The following FOXP2 variants were observed in gnomAD, a reference collection of about 807,000 sequenced individuals.
FOXP2 encodes forkhead box P2.
A neutral mutation model predicts 115.8 loss-of-function variants in FOXP2; 12 were observed. The observed-to-expected ratio is 0.10, with a 90% CI of 0.07 to 0.17. The LOEUF (loss-of-function observed/expected upper bound fraction) is 0.17, where lower values mean the gene tolerates loss of function less well. Among genes scored for constraint, FOXP2 ranks in the 10% least tolerant of loss-of-function variants. FOXP2 has a pLI of 1.00. For synonymous variants in FOXP2, 328 were observed against 297.7 expected (o/e 1.10, Z -1.05); for missense variants, 629 against 843.5 (o/e 0.75, Z 3.15).
intron 2 of FOXP2, among the ~76,000 whole-genome samples, chr7:114,477,626 A>G (rs1469935642): frequency 6.6e-6 from 1 of 151,794 alleles, no homozygotes; most frequent in Non-Finnish European, 1.5e-5. Context: ...TGCCACATGT[A>G]CCCCCTGTAT....
intron 3 of FOXP2, among the ~76,000 whole-genome samples, chr7:114,568,291 A>G (rs1162439119): frequency 6.6e-6 from 1 of 151,922 alleles, no homozygotes; most frequent in Non-Finnish European, 1.5e-5. Flanking sequence ...TGTTTTGGTT[A>G]GTCAGTGTTT....
chr7:114,295,099 C>T (rs569482761), intron 2 of FOXP2, among the ~76,000 whole-genome samples: 2 of 152,040 alleles, frequency 1.3e-5, no homozygotes, highest in East Asian at 3.9e-4. Context: ...TTGGAACTAT[C>T]CGCTAGTAAA....
chr7:114,458,198 C>T (rs1439532311), intron 2 of FOXP2, among the ~76,000 whole-genome samples: 1 of 151,964 alleles, frequency 6.6e-6, no homozygotes, highest in Non-Finnish European at 1.5e-5. Flanking sequence ...TAATTTGATA[C>T]TAAGAAAGGG....
chr7:114,549,610 T>C (rs1453923630), intron 3 of FOXP2, among the ~76,000 whole-genome samples: 2 of 152,164 alleles, frequency 1.3e-5, no homozygotes, highest in East Asian at 1.9e-4. Context: ...TAAGAATTAG[T>C]CATTGGTTTG....
At chr7:114,433,615 A>T (rs1447303917) in intron 2 of FOXP2, among the ~76,000 whole-genome samples, 1 of 151,988 alleles carries the variant, frequency 6.6e-6, no homozygotes, top group Non-Finnish European at 1.5e-5. Flanking sequence ...ATGCAAGTGT[A>T]CTTATTCTCT....
chr7:114,234,555 A>G (rs1305148631), intron 1 of FOXP2, among the ~76,000 whole-genome samples: 1 of 152,246 alleles, frequency 6.6e-6, no homozygotes, highest in African/African-American at 2.4e-5. Flanking sequence ...GACATGAATT[A>G]CTTGGAATTT....
rs756184095 is a variant in FOXP2 at position 114,628,574 on chromosome 7, T to G, written c.293T>G (p.Val98Gly). 1 of 1,614,134 alleles carries G rather than the reference T, an allele frequency of 6.2e-7. No individual in the cohort carries two copies. The highest frequency in any genetic ancestry group is 2.2e-5 in the East Asian group (1 of 44,874). ...PVSVAMMTPQ[V>G]ITPQQMQQIL... ...TCAGTGGCCATGATGACTCCCCAGG[T>G]GATCACCCCTCAGCAAATGCAGCAG... The change falls in exon 4 of 17, where the codon GTG (valine) becomes GGG (glycine). Residue 98 changes from valine (V) to glycine (G), a missense_variant. Coordinates refer to ENST00000350908, the MANE Select transcript of FOXP2 (RefSeq NM_014491.4).
At chr7:114,495,794 A>G (rs559437224) in intron 2 of FOXP2, among the ~76,000 whole-genome samples, 59 of 152,070 alleles carry the variant, frequency 3.9e-4, no homozygotes, top group Non-Finnish European at 6.9e-4. Flanking sequence ...GGCATAAGCA[A>G]CCATGCCCGG....
rs528608847 is a variant in FOXP2, at chr7:114,263,508, T to G, written c.-101-24511T>G. Among the ~76,000 whole-genome samples the G allele has an allele frequency of 3.8e-4, 58 of 151,478 alleles. 1 individual carries two copies. In the South Asian group the frequency reaches 9.7e-3, roughly 25 times the overall value. On this transcript the variant is annotated intron_variant, in intron 1 of 17. Transcript: ENST00000634411. ...TTGCTGCGTTTCCCAGACTGGTGTT[T>G]AGTGCTGTGATCATAGCTCACTGTA...
chr7:114,264,077 C>CT (rs1795832345), intron 1 of FOXP2, among the ~76,000 whole-genome samples: 1 of 152,066 alleles, frequency 6.6e-6, no homozygotes, highest in Admixed American at 6.6e-5. Context: ...TAGGGTTTCT[C>CT]TAAGACCCTG....
chr7:114,172,387 T>G (rs1472386150), intron 1 of FOXP2, among the ~76,000 whole-genome samples: 2 of 152,156 alleles, frequency 1.3e-5, no homozygotes, highest in African/African-American at 4.8e-5. Flanking sequence ...ACAGAAGATT[T>G]TTATGGTAGT....
intron 2 of FOXP2, among the ~76,000 whole-genome samples, chr7:114,486,372 A>C (rs1796774059): frequency 6.6e-6 from 1 of 152,130 alleles, no homozygotes; most frequent in South Asian, 2.1e-4. Context: ...CCCATGACTT[A>C]CTTACCCCCA....
At chr7:114,237,138 G>A (rs1030679355) in intron 1 of FOXP2, among the ~76,000 whole-genome samples, 3 of 152,154 alleles carry the variant, frequency 2.0e-5, no homozygotes, top group Admixed American at 6.5e-5. Flanking sequence ...TAGACAATAA[G>A]GATACAAATA....
intron 1 of FOXP2, among the ~76,000 whole-genome samples, chr7:114,146,730 T>C (rs369110561): frequency 6.6e-6 from 1 of 152,190 alleles, no homozygotes; most frequent in Non-Finnish European, 1.5e-5. Flanking sequence ...AGGAAAACAA[T>C]TGTTGTTGCC....
chr7:114,134,570 G>C (rs1427374651), intron 1 of FOXP2, among the ~76,000 whole-genome samples: 1 of 151,496 alleles, frequency 6.6e-6, no homozygotes, highest in Non-Finnish European at 1.5e-5. Flanking sequence ...AAAATTAGCC[G>C]GGCGTAGTGG....
intron 3 of FOXP2, among the ~76,000 whole-genome samples, chr7:114,560,316 G>A (rs573078468): frequency 6.6e-6 from 1 of 152,010 alleles, no homozygotes; most frequent in Admixed American, 6.6e-5. Context: ...TTATAAAAGT[G>A]AAATTATGGC....
At chr7:114,300,388 A>G (rs1386457713) in intron 2 of FOXP2, among the ~76,000 whole-genome samples, 2 of 152,062 alleles carry the variant, frequency 1.3e-5, no homozygotes, top group Non-Finnish European at 2.9e-5. Context: ...TTGGAAAATT[A>G]TTATTTGCAA....
chr7:114,426,334 G>C (rs1313325647), intron 1 of FOXP2, among the ~76,000 whole-genome samples, 168 bp from the exon 2 acceptor site: 4 of 151,754 alleles, frequency 2.6e-5, no homozygotes, highest in Non-Finnish European at 5.9e-5. Flanking sequence ...ATTAGCATCT[G>C]GATGAAAGCT....
chr7:114,512,546 T>C (rs1377766996), intron 2 of FOXP2, among the ~76,000 whole-genome samples: 2 of 152,100 alleles, frequency 1.3e-5, no homozygotes, highest in African/African-American at 4.8e-5. Flanking sequence ...TCTCACAGCA[T>C]GAATGAGAGG....
Sources: allele counts gnomAD v4.1 joint callset (sites outside exome capture counted in the v4.1 genomes callset), GRCh38; gene constraint gnomAD v4.1.1; transcripts MANE v1.5; gene names NCBI Gene and HGNC (gene_info 2026-07-23, HGNC 2026-07-21).